The following NCOA7 variants were observed in gnomAD, a reference collection of about 807,000 sequenced individuals.
NCOA7 encodes the protein nuclear receptor coactivator 7.
Under a neutral mutation model 104.3 loss-of-function variants are expected in NCOA7, and 45 were observed. The observed-to-expected ratio is 0.43, with a 90% CI of 0.34 to 0.55. The LOEUF is 0.55. NCOA7 is among the 20% of genes least tolerant of loss of function. The pLI is 0.02. For synonymous variants in NCOA7, 398 were observed against 402.3 expected, an observed-to-expected ratio of 0.99 and a Z score of 0.13; for missense variants, 1,041 against 1,119.7, an observed-to-expected ratio of 0.93 and a Z score of 1.00.
chr6:125,832,730 A>T (rs1005744989), intron 2 of NCOA7, among the ~76,000 whole-genome samples: 5 of 152,226 alleles, frequency 3.3e-5, no homozygotes, highest in African/African-American at 1.2e-4. Flanking sequence ...CAGAATTCAC[A>T]GCCAGTTACA....
chr6:125,913,915 A>G (rs1467183368), intron 10 of NCOA7, among the ~76,000 whole-genome samples: 1 of 152,266 alleles, frequency 6.6e-6, no homozygotes, highest in Non-Finnish European at 1.5e-5. Context: ...TAACGCTGAA[A>G]GGAACGCAAA....
Position 125,889,041 on chromosome 6 carries a change from C to A in NCOA7, c.987C>A (p.Asn329Lys), listed in dbSNP as rs754695094. ...CATTCAGTAAGTTCAAATCTATCAA[C>A]AAGGAAAAACGACAGCAGAATGGAG... ...INPFSKFKSI[N>K]KEKRQQNGEK... The change falls in exon 9 of 16, where the codon AAC (asparagine) becomes AAA (lysine). Residue 329 changes from asparagine to lysine, a missense_variant. This residue lies in a region of NCOA7 where 914 missense variants were observed against 942.7 expected (regional missense o/e 0.97). Transcript: ENST00000392477. The A allele has an allele frequency of 5.6e-6, 9 of 1,613,510 alleles. No homozygotes were observed. Among genetic ancestry groups the A allele is most frequent in the Admixed American group, 3.3e-5 (2 of 59,974 alleles).
chr6:125,887,422 G>A (rs1416677642), intron 8 of NCOA7, among the ~76,000 whole-genome samples: 1 of 152,160 alleles, frequency 6.6e-6, no homozygotes, highest in African/African-American at 2.4e-5. Flanking sequence ...TTTTGTGTTT[G>A]CAAGTTCCTG....
intron 11 of NCOA7, among the ~76,000 whole-genome samples, chr6:125,920,112 A>G (rs916553103): frequency 6.6e-6 from 1 of 152,262 alleles, no homozygotes; most frequent in Non-Finnish European, 1.5e-5. Flanking sequence ...ATTCATAAGC[A>G]TAGCTAGAGT....
At chr6:125,868,292 C>T (rs557550065) in intron 3 of NCOA7, among the ~76,000 whole-genome samples, 186 of 152,206 alleles carry the variant, frequency 1.2e-3, no homozygotes, top group Non-Finnish European at 2.2e-3. Context: ...CCTTTTTGCT[C>T]ATGGTTTATA....
rs1788414906 is a variant in NCOA7 at position 125,930,686 on chromosome 6, C to G, written c.*1915C>G. 6.6e-6 allele frequency: 1 copy of G among 152,260 alleles called. No individual in the cohort carries two copies. The highest frequency in any genetic ancestry group is 2.4e-5 in the African/African-American group (1 of 41,434). 9.4% of individuals were successfully genotyped at this position (152,260 alleles called of 1,614,324 possible). On this transcript the variant is annotated 3_prime_UTR_variant, in exon 16 of 16. Transcript: ENST00000392477. ...AATTATTATACTCCTTAATTCCATG[C>G]AAATTTAAATGAATGCTATAAAATT... is the stretch of plus-strand genomic sequence containing the variant.
At chr6:125,783,565 G>A (rs1397880763) in intron 1 of NCOA7, among the ~76,000 whole-genome samples, 1 of 152,062 alleles carries the variant, frequency 6.6e-6, no homozygotes, top group Non-Finnish European at 1.5e-5. Context: ...TATTCAATGT[G>A]TTATATTCTG....
chr6:125,814,703 G>A (rs1423208847), intron 1 of NCOA7, among the ~76,000 whole-genome samples: 1 of 152,180 alleles, frequency 6.6e-6, no homozygotes, highest in Non-Finnish European at 1.5e-5. Context: ...GGTCGCAGGG[G>A]TGGAGAAGAG....
intron 3 of NCOA7, among the ~76,000 whole-genome samples, chr6:125,874,051 G>T (rs948059782): frequency 6.6e-6 from 1 of 152,230 alleles, no homozygotes; most frequent in Admixed American, 6.5e-5. Flanking sequence ...CTGGCCGGAT[G>T]TGGTGGCTGA....
At chr6:125,913,692 T>G in intron 10 of NCOA7, 1 of 976,106 alleles carries the variant, frequency 1.0e-6, no homozygotes, top group Non-Finnish European at 1.2e-6. Flanking sequence ...ATAAGAAAAT[T>G]GGTAAGTCTG....
chr6:125,861,047 C>T (rs956107698), intron 3 of NCOA7, among the ~76,000 whole-genome samples: 3 of 152,102 alleles, frequency 2.0e-5, no homozygotes, highest in Admixed American at 6.6e-5. Flanking sequence ...TTAAAGAGAA[C>T]CTCTGCAGTA....
At chr6:125,920,838 A>G in intron 11 of NCOA7, 105 bp from the exon 12 acceptor site, 1 of 1,423,116 alleles carries the variant, frequency 7.0e-7, no homozygotes, top group South Asian at 1.3e-5. Context: ...CCTGCTGCCG[A>G]AGCGTCACCT....
In NCOA7 at chr6:125,922,840, G is replaced by C. The variant is rs1279628286; in HGVS notation, c.2523+6G>C. Reference sequence around the variant, plus strand: ...TCAAAGATATGGATAATCAGGTGAGGCCTGTCCCTCTCATAAAGAATATTT... The same window carrying C: ...TCAAAGATATGGATAATCAGGTGAGCCCTGTCCCTCTCATAAAGAATATTT... On this transcript the variant is annotated splice_donor_region_variant and intron_variant, in intron 13 of 15. Coordinates refer to ENST00000392477, the MANE Select transcript of NCOA7 (RefSeq NM_181782.5). 3.1e-6 allele frequency: 5 copies of C among 1,612,198 alleles called. No individual in the cohort carries two copies. The highest frequency in any genetic ancestry group is 4.2e-6 in the Non-Finnish European group (5 of 1,179,124).
chr6:125,872,277 G>A (rs1321023137), intron 3 of NCOA7, among the ~76,000 whole-genome samples: 2 of 152,158 alleles, frequency 1.3e-5, no homozygotes, highest in African/African-American at 4.8e-5. Context: ...TTGTAGCTGT[G>A]CAATATGTAA....
chr6:125,878,948 AC>A (rs1254954487), intron 5 of NCOA7, among the ~76,000 whole-genome samples: 1 of 152,184 alleles, frequency 6.6e-6, no homozygotes, highest in African/African-American at 2.4e-5. Flanking sequence ...CTGTTTAAGC[AC>A]AGGAATTACT....
intron 10 of NCOA7, among the ~76,000 whole-genome samples, chr6:125,892,963 TTAAG>T (rs1291106261): frequency 6.6e-6 from 1 of 152,168 alleles, no homozygotes; most frequent in Non-Finnish European, 1.5e-5. Flanking sequence ...ACATTTTAGT[TTAAG>T]TAGGGGGAAG....
At chr6:125,924,825 ACT>A (rs550587092) in intron 13 of NCOA7, among the ~76,000 whole-genome samples, 117 of 152,058 alleles carry the variant, frequency 7.7e-4, no homozygotes, top group African/African-American at 2.7e-3. Flanking sequence ...AAGATGGGGC[ACT>A]CTCTTCCCAC....
chr6:125,916,250 G>C (rs1787072385), intron 11 of NCOA7, among the ~76,000 whole-genome samples: 1 of 152,116 alleles, frequency 6.6e-6, no homozygotes, highest in East Asian at 1.9e-4. Context: ...CCTCTCCTTT[G>C]CCTTCTGCCA....
intron 2 of NCOA7, among the ~76,000 whole-genome samples, chr6:125,824,518 C>T (rs1472440428): frequency 6.6e-6 from 1 of 152,046 alleles, no homozygotes; most frequent in African/African-American, 2.4e-5. Context: ...AAAATAAGCA[C>T]TAAATAATTT....
Sources: allele counts gnomAD v4.1 joint callset (sites outside exome capture counted in the v4.1 genomes callset), GRCh38; gene constraint gnomAD v4.1.1; regional missense constraint gnomAD v4.1.1; transcripts MANE v1.5; gene names NCBI Gene and HGNC (gene_info 2026-07-23, HGNC 2026-07-21).